Variants in ADGB observed in about 807,000 individuals in gnomAD.
ADGB encodes the protein calpain-7-like protein.
A neutral mutation model predicts 210.5 loss-of-function variants in ADGB; 172 were observed. The ratio of observed to expected loss-of-function variants is 0.82; its 90% CI spans 0.72 to 0.93. The LOEUF is 0.93. Among genes scored for constraint, ADGB ranks in the 40% least tolerant of loss-of-function variants. The pLI is 0.00. For missense variants in ADGB, 2,025 were observed against 1,964.8 expected, an observed-to-expected ratio of 1.03 and a Z score of -0.58; for synonymous variants, 658 against 662.7, an observed-to-expected ratio of 0.99 and a Z score of 0.11.
chr6:146,785,763 GC>G, intron 32 of ADGB, 51 bp downstream of exon 32: 1 of 1,311,924 alleles, frequency 7.6e-7, no homozygotes, highest in Non-Finnish European at 1.1e-6. Context: ...GCTGTGATTT[GC>G]ACTTCTTAAA....
At chr6:146,751,883 G>T (rs1228203460) in intron 26 of ADGB, among the ~76,000 whole-genome samples, 2 of 152,058 alleles carry the variant, frequency 1.3e-5, no homozygotes, top group Non-Finnish European at 2.9e-5. Context: ...AGGATTTGAT[G>T]ATAATAAAAG....
Position 146,745,992 on chromosome 6 carries a change from G to T in ADGB, c.3248G>T (p.Arg1083Leu). 6.4e-7 allele frequency: 1 copy of T among 1,551,238 alleles called. No homozygotes were observed. The highest frequency in any genetic ancestry group is 1.2e-5 in the South Asian group (1 of 84,028). ...TYVAASRWKL[R>L]LIGSSAPLPC... ...GTAGCAGCCTCACGATGGAAACTGC[G>T]TCTCATCGGTTCTTCTGCTCCACTG... The change falls in exon 26 of 36, where the codon CGT becomes CTT. Residue 1083 changes from arginine to leucine, a missense_variant. Arg to Leu is a moderately radical substitution (Grantham distance 102). Coordinates refer to ENST00000397944, the MANE Select transcript of ADGB (RefSeq NM_024694.4).
At chr6:146,625,334 G>T (rs1780956908) in intron 1 of ADGB, among the ~76,000 whole-genome samples, 1 of 151,832 alleles carries the variant, frequency 6.6e-6, no homozygotes, top group South Asian at 2.1e-4. Context: ...TTTTATTACT[G>T]GTAATATTCT....
intron 11 of ADGB, 133 bp downstream of exon 11, chr6:146,691,423 TATATATATATATATATATAA>T (rs1562275468): frequency 8.5e-5 from 4 of 47,142 alleles, no homozygotes; most frequent in African/African-American, 7.3e-4. Context: ...TATATATATA[TATATATATATATATATATAA>T]AAATATATAT....
chr6:146,748,855 T>C (rs6899554), intron 26 of ADGB, among the ~76,000 whole-genome samples: 78,408 of 152,092 alleles, frequency 0.52, 22,115 homozygotes, highest in African/African-American at 0.75. Context: ...GCTGGGTTTA[T>C]AGGCATGAGC....
At chr6:146,664,556 C>A (rs1775913364) in intron 6 of ADGB, among the ~76,000 whole-genome samples, 1 of 151,584 alleles carries the variant, frequency 6.6e-6, no homozygotes, top group African/African-American at 2.4e-5. Flanking sequence ...AAAAATATAC[C>A]CAAGAATTAT....
At chr6:146,784,551 A>G (rs1252150563) in intron 30 of ADGB, 67 bp from the exon 31 acceptor site, 8 of 1,217,166 alleles carry the variant, frequency 6.6e-6, no homozygotes, top group Admixed American at 3.3e-5. Flanking sequence ...TATGTATCAT[A>G]TGGTAAAATC....
At chr6:146,681,665 T>G (rs1436716454) in intron 9 of ADGB, among the ~76,000 whole-genome samples, 6 of 152,002 alleles carry the variant, frequency 3.9e-5, no homozygotes, top group Non-Finnish European at 7.4e-5. Context: ...ATGAAAGAAA[T>G]AGATTAGAAG....
intron 13 of ADGB, among the ~76,000 whole-genome samples, chr6:146,707,389 T>C (rs547272389): frequency 6.6e-6 from 1 of 152,256 alleles, no homozygotes; most frequent in South Asian, 2.1e-4. Flanking sequence ...TGTTTTCTTT[T>C]GATTTTTTGT....
In ADGB at chr6:146,698,684, G is replaced by A. The variant is rs17076227; in HGVS notation, c.1578-2257G>A. ...GAAAAAAACATTTCCTGCTACTTTC[G>A]TTTTAAAATTTTGCTATTGTTGCAA... On this transcript the variant is annotated intron_variant, in intron 12 of 35. Transcript: ENST00000397944. Among the ~76,000 whole-genome samples, 1,223 of 152,122 alleles carry A rather than the reference G, an allele frequency of 8.0e-3. 10 individuals are homozygous for A. The highest frequency in any genetic ancestry group is 0.027 in the African/African-American group (1,128 of 41,520).
chr6:146,708,870 A>G (rs995171219), intron 13 of ADGB, among the ~76,000 whole-genome samples: 2 of 152,088 alleles, frequency 1.3e-5, no homozygotes, highest in African/African-American at 4.8e-5. Context: ...ATATTGCCCC[A>G]TAAACTGTGT....
rs901867702 is a variant in ADGB at position 146,644,682 on chromosome 6, C to G, written c.238-91C>G. ...GCTTTGTAAAGGCTTATTGATTGACCAAATCTATGCACTTATTTCTTTTTT... is the reference window on the plus strand; with the variant it reads ...GCTTTGTAAAGGCTTATTGATTGACGAAATCTATGCACTTATTTCTTTTTT... On this transcript the variant is annotated intron_variant, in intron 2 of 35. Coordinates refer to ENST00000397944, the MANE Select transcript of ADGB (RefSeq NM_024694.4). 6.6e-6 allele frequency: 5 copies of G among 752,626 alleles called. No individual in the cohort carries two copies. In the Admixed American group the frequency reaches 1.8e-4, roughly 27 times the overall value. 46.6% of individuals were successfully genotyped at this position (752,626 alleles called of 1,614,324 possible). A position where few individuals can be genotyped will look rare whatever the true frequency, so the allele number is the denominator to read the frequency against.
At chr6:146,697,598 C>A (rs1776424388) in intron 12 of ADGB, among the ~76,000 whole-genome samples, 1 of 151,814 alleles carries the variant, frequency 6.6e-6, no homozygotes, top group African/African-American at 2.4e-5. Context: ...AGATAATATC[C>A]AGACTAAAGC....
chr6:146,714,876 T>G (rs1458500900), intron 13 of ADGB, among the ~76,000 whole-genome samples: 1 of 152,188 alleles, frequency 6.6e-6, no homozygotes, highest in Admixed American at 6.5e-5. Context: ...TTATATTTAT[T>G]TTTGTGTTCC....
chr6:146,655,959 C>T (rs1273163092), intron 4 of ADGB, among the ~76,000 whole-genome samples: 2 of 152,122 alleles, frequency 1.3e-5, no homozygotes, highest in Non-Finnish European at 2.9e-5. Flanking sequence ...AAATCAGATA[C>T]TACTGAGGTA....
chr6:146,680,417 A>AT (rs1460976429), intron 9 of ADGB, among the ~76,000 whole-genome samples: 3 of 152,144 alleles, frequency 2.0e-5, no homozygotes, highest in Non-Finnish European at 4.4e-5. Context: ...TGTTTAAGTC[A>AT]TTTTTTAGTG....
intron 1 of ADGB, among the ~76,000 whole-genome samples, chr6:146,627,777 T>C (rs1780998960): frequency 6.6e-6 from 1 of 152,132 alleles, no homozygotes; most frequent in Non-Finnish European, 1.5e-5. Flanking sequence ...ATCCTGTCCT[T>C]GAAAGTATAC....
At position 146,644,865 on chromosome 6, in the gene ADGB, G is replaced by T. The variant is rs1775584097; in HGVS notation, c.330G>T (p.Gln110His). 2.1e-6 allele frequency: 3 copies of T among 1,455,396 alleles called. No homozygotes were observed. The Admixed American group carries it at 8.3e-5, about 40-fold the overall frequency. 90.2% of individuals were successfully genotyped at this position (1,455,396 alleles called of 1,614,324 possible). A position where few individuals can be genotyped will look rare whatever the true frequency, so the allele number is the denominator to read the frequency against. ...GTCCACAAGATATTTTATTTAGTCA[G>T]GTAAGAAAGTTTTTTCTATTAAATA... ...WKRPQDILFS[Q>H]TPVVVKNEIT... Residue 110 changes from glutamine (Q) to histidine (H), a missense_variant and splice_region_variant, in exon 3 of 36, where the codon CAG (glutamine) becomes CAT (histidine). Physicochemically the swap from Gln to His is conservative, Grantham distance 24. Transcript: ENST00000397944.
At position 146,713,232 on chromosome 6, in the gene ADGB, T is replaced by C. The variant is rs556914368; in HGVS notation, c.1708-2150T>C. Among the ~76,000 whole-genome samples the C allele has an allele frequency of 3.9e-5, 6 of 152,340 alleles. No homozygotes were observed. In the South Asian group the frequency reaches 6.2e-4, roughly 16 times the overall value. Reference sequence around the variant, plus strand: ...GCTGCTATGAATTTGGGTGTACACCTATCTCCTTGAGACTCTGCTTTCAAT... The same window carrying C: ...GCTGCTATGAATTTGGGTGTACACCCATCTCCTTGAGACTCTGCTTTCAAT... On this transcript the variant is annotated intron_variant, in intron 13 of 35. Coordinates refer to ENST00000397944, the MANE Select transcript of ADGB (RefSeq NM_024694.4).
Sources: allele counts gnomAD v4.1 joint callset (sites outside exome capture counted in the v4.1 genomes callset), GRCh38; gene constraint gnomAD v4.1.1; transcripts MANE v1.5; gene names NCBI Gene and HGNC (gene_info 2026-07-23, HGNC 2026-07-21).